The following VIPR1 variants were observed in gnomAD, a reference collection of about 807,000 sequenced individuals.
VIPR1 encodes vasoactive intestinal polypeptide receptor 1.
VIPR1 carries 59 observed loss-of-function variants against 58.8 expected under a neutral mutation model. The observed-to-expected ratio is 1.00, with a 90% confidence interval of 0.81 to 1.25. VIPR1 has a LOEUF of 1.25. VIPR1 is among the 50% of genes most tolerant of loss of function. The probability of loss-of-function intolerance (pLI) is 0.00; values close to 1 mark genes in which losing one functional copy is unlikely to be tolerated. For missense variants in VIPR1, 626 were observed against 602.7 expected (o/e 1.04, Z -0.40); for synonymous variants, 251 against 242.1 (o/e 1.04, Z -0.34).
At chr3:42,515,119 A>G (rs181407090) in intron 2 of VIPR1, among the ~76,000 whole-genome samples, 2 of 152,314 alleles carry the variant, frequency 1.3e-5, no homozygotes, top group Admixed American at 1.3e-4. Flanking sequence ...GTTATGTAAC[A>G]GCCTTGCTCA....
intron 3 of VIPR1, among the ~76,000 whole-genome samples, chr3:42,520,699 C>G (rs1045966309): frequency 6.6e-6 from 1 of 152,080 alleles, no homozygotes; most frequent in African/African-American, 2.4e-5. Context: ...AGAGAGCGAA[C>G]AGAACTCAGG....
intron 3 of VIPR1, among the ~76,000 whole-genome samples, chr3:42,520,350 A>C (rs1271123062): frequency 6.6e-6 from 1 of 152,198 alleles, no homozygotes; most frequent in Non-Finnish European, 1.5e-5. Context: ...GGGGGTTTTA[A>C]GCAGGGGACT....
chr3:42,496,234 A>C (rs1403967192), intron 1 of VIPR1, among the ~76,000 whole-genome samples: 3 of 152,188 alleles, frequency 2.0e-5, no homozygotes, highest in Non-Finnish European at 2.9e-5. Flanking sequence ...CGTCTCAAAA[A>C]AAAAGCTAAT....
chr3:42,522,996 C>T (rs953429447), intron 3 of VIPR1, among the ~76,000 whole-genome samples: 1 of 152,178 alleles, frequency 6.6e-6, no homozygotes, highest in Non-Finnish European at 1.5e-5. Context: ...AGTGACAGGC[C>T]TCAAAGCAGA....
chr3:42,511,263 A>G (rs1382202442), intron 1 of VIPR1, among the ~76,000 whole-genome samples: 1 of 152,238 alleles, frequency 6.6e-6, no homozygotes, highest in Non-Finnish European at 1.5e-5. Context: ...AGAAGACAGC[A>G]GAAGCTTGAG....
At position 42,513,816 on chromosome 3, in the gene VIPR1, A is replaced by G. The variant is rs762085862; in HGVS notation, c.146A>G (p.Gln49Arg). 6.4e-7 allele frequency: 1 copy of G among 1,551,686 alleles called. No individual in the cohort carries two copies. Among genetic ancestry groups the G allele is most frequent in the Non-Finnish European group, 8.7e-7 (1 of 1,146,974 alleles). Residue 49 changes from glutamine (Q) to arginine (R), a missense_variant, in exon 2 of 13, where the codon CAG becomes CGG. Gln to Arg is a conservative substitution (Grantham distance 43, BLOSUM62 1). Transcript: ENST00000325123. Reference sequence around the variant, plus strand: ...CAGATGATCGAGGTGCAGCACAAGCAGTGCCTGGAGGAGGCCCAGCTGGAG... The same window carrying G: ...CAGATGATCGAGGTGCAGCACAAGCGGTGCCTGGAGGAGGCCCAGCTGGAG... Reference protein sequence around the residue: ...YVQMIEVQHKQCLEEAQLENE... With the variant: ...YVQMIEVQHKRCLEEAQLENE...
At chr3:42,525,732 C>T (rs1295611158) in intron 3 of VIPR1, among the ~76,000 whole-genome samples, 155 bp from the exon 4 acceptor site, 1 of 152,166 alleles carries the variant, frequency 6.6e-6, no homozygotes, top group African/African-American at 2.4e-5. Flanking sequence ...GGTGCCCCCA[C>T]GGTGCCCTGG....
chr3:42,512,892 CT>C (rs1700427116), intron 1 of VIPR1: 1 of 985,494 alleles, frequency 1.0e-6, no homozygotes, highest in Non-Finnish European at 1.2e-6. Flanking sequence ...TTCCCAAGAC[CT>C]GTTTTTTCTG....
intron 1 of VIPR1, chr3:42,512,284 C>T (rs1700397413): frequency 6.6e-6 from 1 of 152,336 alleles, no homozygotes; most frequent in South Asian, 2.1e-4. Flanking sequence ...GAGGCTCCAC[C>T]AGAGAGCCCT....
intron 10 of VIPR1, chr3:42,533,465 C>T (rs1055276634): frequency 1.3e-5 from 2 of 152,014 alleles, no homozygotes; most frequent in Non-Finnish European, 2.9e-5. Flanking sequence ...AGGGGCAGCA[C>T]ATCGGGCCTG....
At chr3:42,490,749 T>C (rs1699651634) in intron 1 of VIPR1, among the ~76,000 whole-genome samples, 1 of 151,618 alleles carries the variant, frequency 6.6e-6, no homozygotes, top group Non-Finnish European at 1.5e-5. Context: ...TTTGCAGTAT[T>C]AAGGAGGGGG....
intron 3 of VIPR1, among the ~76,000 whole-genome samples, chr3:42,525,387 C>T (rs1373715655): frequency 1.3e-5 from 2 of 151,420 alleles, no homozygotes; most frequent in African/African-American, 4.9e-5. Flanking sequence ...TCCTCACCCC[C>T]ACACTCCTGC....
intron 3 of VIPR1, 58 bp from the exon 4 acceptor site, chr3:42,525,829 A>G (rs954608775): frequency 6.7e-7 from 1 of 1,495,616 alleles, no homozygotes; most frequent in Non-Finnish European, 9.0e-7. Flanking sequence ...AAGCAGAGAC[A>G]GCCAGGTCCC....
At chr3:42,492,458 C>A (rs1699681831) in intron 1 of VIPR1, 1 of 152,430 alleles carries the variant, frequency 6.6e-6, no homozygotes, top group Non-Finnish European at 1.5e-5. Flanking sequence ...GCTCCTGGGG[C>A]CTCTCCTCCC....
chr3:42,527,301 G>A, intron 4 of VIPR1, 92 bp from the exon 5 acceptor site: 11 of 1,223,184 alleles, frequency 9.0e-6, no homozygotes, highest in East Asian at 2.4e-5. Flanking sequence ...GGTTGGGCAG[G>A]CAGAGTGTGT....
intron 1 of VIPR1, among the ~76,000 whole-genome samples, chr3:42,491,098 G>T (rs147453609): frequency 2.6e-5 from 4 of 152,146 alleles, no homozygotes; most frequent in Non-Finnish European, 4.4e-5. Context: ...GAGGATGCCC[G>T]TGCGCAGAAC....
chr3:42,535,645 G>A (rs892212843), intron 12 of VIPR1, among the ~76,000 whole-genome samples: 5 of 152,158 alleles, frequency 3.3e-5, no homozygotes, highest in African/African-American at 1.2e-4. Context: ...TAAACCCCAG[G>A]GGGATTCCTG....
chr3:42,514,156 T>A lies in VIPR1; in HGVS notation c.184+302T>A, dbSNP rs533418783. On this transcript the variant is annotated intron_variant, in intron 2 of 12. Coordinates refer to ENST00000325123, the MANE Select transcript of VIPR1 (RefSeq NM_004624.4). ...TCTCCAGGAAAAGTGAAGATCTCCA[T>A]GGCGGCCAGCCCACCCAGGACACAA... Among the ~76,000 whole-genome samples, 4 of 151,956 alleles carry A rather than the reference T, an allele frequency of 2.6e-5. No individual in the cohort carries two copies. In the East Asian group the frequency reaches 5.8e-4, roughly 22 times the overall value.
In VIPR1 at chr3:42,519,217, C is replaced by T; in HGVS notation, c.185-6C>T. 1 of 1,604,696 alleles carries T rather than the reference C, an allele frequency of 6.2e-7. No homozygotes were observed. The highest frequency in any genetic ancestry group is 1.1e-5 in the South Asian group (1 of 89,034). ...CACCCATGTGTCTTCTGCCTTACCC[C>T]CATAGGCTGCAGCAAGATGTGGGAC... On this transcript the variant is annotated splice_region_variant and splice_polypyrimidine_tract_variant and intron_variant, in intron 2 of 12. Coordinates refer to ENST00000325123, the MANE Select transcript of VIPR1 (RefSeq NM_004624.4).
Sources: allele counts gnomAD v4.1 joint callset (sites outside exome capture counted in the v4.1 genomes callset), GRCh38; gene constraint gnomAD v4.1.1; transcripts MANE v1.5; gene names NCBI Gene and HGNC (gene_info 2026-07-23, HGNC 2026-07-21).